The following GRIK2 variants were observed in gnomAD, a reference collection of about 807,000 sequenced individuals.
GRIK2 encodes the protein glutamate ionotropic receptor kainate type subunit 2.
GRIK2 carries 32 observed loss-of-function variants against 100.3 expected under a neutral mutation model. The observed-to-expected ratio is 0.32, with a 90% confidence interval of 0.24 to 0.43. The LOEUF (loss-of-function observed/expected upper bound fraction) is 0.43. GRIK2 is among the 20% of genes least tolerant of loss of function. The pLI, the probability that GRIK2 is intolerant of heterozygous loss-of-function variation, is 1.00. For synonymous variants in GRIK2, 417 were observed against 389.4 expected (o/e 1.07, Z -0.83); for missense variants, 843 against 1,114.9 (o/e 0.76, Z 3.47).
chr6:101,971,996 T>C (rs1159011560), intron 14 of GRIK2, among the ~76,000 whole-genome samples: 2 of 152,008 alleles, frequency 1.3e-5, no homozygotes, highest in Non-Finnish European at 1.5e-5. Flanking sequence ...TGTTCCACCA[T>C]TGATTGGCAT....
chr6:101,962,189 T>C (rs1792347455), intron 14 of GRIK2, among the ~76,000 whole-genome samples: 1 of 152,094 alleles, frequency 6.6e-6, no homozygotes, highest in Non-Finnish European at 1.5e-5. Flanking sequence ...CTTCCTTCTT[T>C]TTGTGTGCCC....
At chr6:102,050,780 A>G (rs1771139868) in intron 15 of GRIK2, among the ~76,000 whole-genome samples, 2 of 150,378 alleles carry the variant, frequency 1.3e-5, no homozygotes, top group South Asian at 4.3e-4. Flanking sequence ...AAAGGAGGGT[A>G]GAGGGAGAAA....
In GRIK2 at chr6:101,828,447, A is replaced by G. The variant is rs1309962238; in HGVS notation, c.1317+9964A>G. Among the ~76,000 whole-genome samples, 3 of 151,760 alleles carry G rather than the reference A, an allele frequency of 2.0e-5. No homozygotes were observed. In the East Asian group the frequency reaches 5.8e-4, roughly 29 times the overall value. On this transcript the variant is annotated intron_variant, in intron 10 of 16. Transcript: ENST00000369134. ...ATAATCAGAGCAAAACTAAATGGAG[A>G]CCCAGAAAACATATAAAGGATCGAT...
intron 2 of GRIK2, among the ~76,000 whole-genome samples, chr6:101,461,803 G>A (rs1362671076): frequency 6.6e-6 from 1 of 152,168 alleles, no homozygotes; most frequent in Non-Finnish European, 1.5e-5. Context: ...GAAAATATCA[G>A]TTGGGTTAAA....
At chr6:102,016,563 C>CA (rs1031357607) in intron 14 of GRIK2, among the ~76,000 whole-genome samples, 3 of 147,038 alleles carry the variant, frequency 2.0e-5, no homozygotes, top group African/African-American at 7.5e-5. Flanking sequence ...TAAAAAAATT[C>CA]AAAAAAAATT....
At position 101,482,666 on chromosome 6, in the gene GRIK2, AAGAC is replaced by A. The variant is rs1772595625; in HGVS notation, c.115+83280_115+83283del. ...AGTAGATTTGAGGCACAGAGAAAAA[AAGAC>A]AGACATGTTAAGAGACTATTAGACT... On this transcript the variant is annotated intron_variant, in intron 2 of 16. Transcript: ENST00000369134. Among the ~76,000 whole-genome samples the A allele has an allele frequency of 2.0e-5, 3 of 152,304 alleles. No homozygotes were observed. In the South Asian group the frequency reaches 6.2e-4, roughly 32 times the overall value.
chr6:101,605,904 T>C (rs1481945647), intron 2 of GRIK2, among the ~76,000 whole-genome samples: 1 of 152,004 alleles, frequency 6.6e-6, no homozygotes, highest in African/African-American at 2.4e-5. Flanking sequence ...AATTACTGGA[T>C]TATTTCAAAT....
intron 2 of GRIK2, among the ~76,000 whole-genome samples, chr6:101,451,699 G>GT (rs933558090): frequency 1.3e-4 from 8 of 59,800 alleles, no homozygotes; most frequent in East Asian, 5.4e-4. Context: ...TCTCTGAGGG[G>GT]GGGGGGGGTG....
At chr6:101,637,585 C>T (rs1391421529) in intron 4 of GRIK2, among the ~76,000 whole-genome samples, 5 of 152,116 alleles carry the variant, frequency 3.3e-5, no homozygotes, top group African/African-American at 1.2e-4. Context: ...CTGCCTGCTA[C>T]TCTATTTAAA....
intron 4 of GRIK2, among the ~76,000 whole-genome samples, chr6:101,670,364 T>C (rs1770342835): frequency 6.6e-6 from 1 of 152,126 alleles, no homozygotes; most frequent in South Asian, 2.1e-4. Flanking sequence ...CACTCTTCAA[T>C]GTTATTCCCC....
intron 7 of GRIK2, among the ~76,000 whole-genome samples, chr6:101,707,762 G>T (rs959742492): frequency 6.6e-6 from 1 of 151,334 alleles, no homozygotes; most frequent in African/African-American, 2.4e-5. Flanking sequence ...TTTAGCATTT[G>T]ATGTATAGTC....
intron 14 of GRIK2, among the ~76,000 whole-genome samples, chr6:101,944,747 T>A (rs1392074857): frequency 1.3e-5 from 2 of 152,082 alleles, no homozygotes; most frequent in Admixed American, 1.3e-4. Flanking sequence ...ATTATCATAA[T>A]AAAGGTCAAT....
intron 13 of GRIK2, among the ~76,000 whole-genome samples, chr6:101,926,140 GA>G (rs1789874048): frequency 6.7e-6 from 1 of 149,216 alleles, no homozygotes; most frequent in Non-Finnish European, 1.5e-5. Flanking sequence ...CTCAAATGAA[GA>G]ATCAGTAGTT....
chr6:101,661,254 CA>C (rs1769589506), intron 4 of GRIK2, among the ~76,000 whole-genome samples: 1 of 152,144 alleles, frequency 6.6e-6, no homozygotes, highest in Non-Finnish European at 1.5e-5. Flanking sequence ...TCAAACTTCT[CA>C]GCGGCTTTGT....
chr6:101,786,762 A>G (rs960048123), intron 7 of GRIK2, among the ~76,000 whole-genome samples: 3 of 152,092 alleles, frequency 2.0e-5, no homozygotes, highest in Non-Finnish European at 2.9e-5. Context: ...GATACAAAAC[A>G]TAGATGTTCA....
chr6:101,477,203 C>T (rs1772283210), intron 2 of GRIK2, among the ~76,000 whole-genome samples: 1 of 152,090 alleles, frequency 6.6e-6, no homozygotes, highest in Admixed American at 6.6e-5. Context: ...AGACATGGAA[C>T]ATACACTTAC....
intron 10 of GRIK2, among the ~76,000 whole-genome samples, chr6:101,843,016 C>A (rs1326147457): frequency 6.6e-6 from 1 of 152,134 alleles, no homozygotes; most frequent in Non-Finnish European, 1.5e-5. Flanking sequence ...ATTGAAAACT[C>A]CACCTTCTAA....
At chr6:101,539,267 A>G (rs1775872070) in intron 2 of GRIK2, among the ~76,000 whole-genome samples, 1 of 151,786 alleles carries the variant, frequency 6.6e-6, no homozygotes, top group Non-Finnish European at 1.5e-5. Context: ...TTGTAATAGC[A>G]ACCATACATA....
intron 7 of GRIK2, among the ~76,000 whole-genome samples, chr6:101,696,885 T>C (rs186434753): frequency 6.6e-6 from 1 of 152,018 alleles, no homozygotes; most frequent in African/African-American, 2.4e-5. Flanking sequence ...TGCAGCCAGA[T>C]TTTTTGCTTC....
Sources: allele counts gnomAD v4.1 joint callset (sites outside exome capture counted in the v4.1 genomes callset), GRCh38; gene constraint gnomAD v4.1.1; transcripts MANE v1.5; gene names NCBI Gene and HGNC (gene_info 2026-07-23, HGNC 2026-07-21).